CACNA1A: variants seen among roughly 807,000 people sequenced by gnomAD.
CACNA1A encodes the protein calcium voltage-gated channel subunit alpha1 A, also known as voltage-dependent P/Q-type calcium channel subunit alpha-1A.
In CACNA1A, 57 loss-of-function variants were observed where a neutral mutation model predicts 262.4. The observed-to-expected ratio is 0.22, with a 90% CI of 0.18 to 0.27. The LOEUF (loss-of-function observed/expected upper bound fraction) is 0.27. Ranked by LOEUF, CACNA1A falls within the 10% of genes least tolerant of loss-of-function variation. The pLI, the probability that CACNA1A is intolerant of heterozygous loss-of-function variation, is 1.00. For missense variants in CACNA1A, 2,526 were observed against 3,562.8 expected, an observed-to-expected ratio of 0.71 and a Z score of 7.41; for synonymous variants, 1,431 against 1,419.3, an observed-to-expected ratio of 1.01 and a Z score of -0.18.
In CACNA1A at chr19:13,308,555, C is replaced by T. The variant is rs1332259477; in HGVS notation, c.1669-27G>A. ...TAGGGCAGAGAACCTGGTCTCATGT[C>T]CAGGGACAGTGTCTGGGCTCCAGAA... is the stretch of plus-strand genomic sequence containing the variant. On this transcript the variant is annotated intron_variant, in intron 12 of 46. Coordinates refer to ENST00000360228, the MANE Select transcript of CACNA1A (RefSeq NM_001127222.2). The surrounding 1 kb of genome is among the most constrained non-coding windows in gnomAD (Gnocchi z 4.2). 4 of 1,455,198 alleles carry T rather than the reference C, an allele frequency of 2.7e-6. No individual in the cohort carries two copies. The South Asian group carries it at 3.6e-5, about 13-fold the overall frequency. The allele number at this position is 1,455,198 out of a possible 1,614,324, so 90.1% of individuals were successfully genotyped here.
intron 1 of CACNA1A, among the ~76,000 whole-genome samples, chr19:13,485,762 G>A (rs370608929): frequency 5.9e-5 from 9 of 152,284 alleles, no homozygotes; most frequent in East Asian, 1.9e-4. Context: ...ACCCACCACC[G>A]GCAGGAGTGT....
Position 13,487,676 on chromosome 19 carries a change from A to T in CACNA1A, c.293+18256T>A, listed in dbSNP as rs1015186364. On this transcript the variant is annotated intron_variant, in intron 1 of 46. Coordinates refer to ENST00000360228, the MANE Select transcript of CACNA1A (RefSeq NM_001127222.2). Reference sequence around the variant, plus strand: ...TTTTATCTCAATGTTTTAAAAATTAAAAAAAAAAAAATCCCACACCCAAAC... The same window carrying T: ...TTTTATCTCAATGTTTTAAAAATTATAAAAAAAAAAATCCCACACCCAAAC... 7.3e-4 allele frequency among the ~76,000 whole-genome samples: 11 copies of T among 15,058 alleles called. No individual in the cohort carries two copies. In the African/African-American group the frequency reaches 7.4e-3, roughly 10 times the overall value. The allele number at this position is 15,058 out of a possible 152,430, so 9.9% of individuals were successfully genotyped here.
At chr19:13,416,285 T>C (rs1393613918) in intron 3 of CACNA1A, among the ~76,000 whole-genome samples, 3 of 149,674 alleles carry the variant, frequency 2.0e-5, no homozygotes, top group East Asian at 4.0e-4. Flanking sequence ...TTATTTTTTA[T>C]AGAGATGGGG....
At chr19:13,476,881 C>G (rs1248397685) in intron 1 of CACNA1A, among the ~76,000 whole-genome samples, 7 of 152,128 alleles carry the variant, frequency 4.6e-5, no homozygotes, top group Non-Finnish European at 8.8e-5. Flanking sequence ...CTGCCTGCCC[C>G]CAACCTTCAA....
At chr19:13,300,077 C>G (rs2057757410) in intron 18 of CACNA1A, among the ~76,000 whole-genome samples, 1 of 152,130 alleles carries the variant, frequency 6.6e-6, no homozygotes, top group South Asian at 2.1e-4. Context: ...TGTGCAGCCC[C>G]GTTCCTAATA....
At chr19:13,322,300 G>C (rs1473758670) in intron 10 of CACNA1A, among the ~76,000 whole-genome samples, 1 of 152,048 alleles carries the variant, frequency 6.6e-6, no homozygotes, top group Non-Finnish European at 1.5e-5. Flanking sequence ...ATGAACTGAG[G>C]AACACCAAGT....
intron 3 of CACNA1A, among the ~76,000 whole-genome samples, chr19:13,426,337 C>T (rs2060402221): frequency 1.3e-5 from 2 of 152,078 alleles, no homozygotes; most frequent in Non-Finnish European, 2.9e-5. Flanking sequence ...GAACAATTCT[C>T]AAGTGGGGGC....
In CACNA1A at chr19:13,207,434, C is replaced by T. The variant is rs1199275549; in HGVS notation, c.7400G>A (p.Arg2467Gln). 2.0e-5 allele frequency: 30 copies of T among 1,519,784 alleles called. No homozygotes were observed. The highest frequency in any genetic ancestry group is 4.2e-5 in the African/African-American group (3 of 70,760). The allele number at this position is 1,519,784 out of a possible 1,614,324, so 94.1% of individuals were successfully genotyped here. The change falls in exon 47 of 47, where the codon CGG (arginine) becomes CAG (glutamine). Residue 2467 changes from arginine (R) to glutamine (Q), a missense_variant. By Grantham distance (43) the Arg-to-Gln change is conservative. This residue lies in a region of CACNA1A where 929 missense variants were observed against 868.1 expected (regional missense o/e 1.07). Coordinates refer to ENST00000360228, the MANE Select transcript of CACNA1A (RefSeq NM_001127222.2). This position sits in a 1 kb window ranked among gnomAD's most constrained non-coding sequence, Gnocchi z 5.7. ...ASGPACASPSRHGRRLPNGYY... is the reference protein window; with the variant it reads ...ASGPACASPSQHGRRLPNGYY... ...GCCGTTGGGGAGTCGCCGGCCGTGC[C>T]GAGAAGGCGAGGCGCAGGCCGGGCC...
chr19:13,299,440 C>T, intron 18 of CACNA1A, 87 bp from the exon 19 acceptor site: 4 of 1,051,328 alleles, frequency 3.8e-6, no homozygotes, highest in African/African-American at 1.5e-5. Flanking sequence ...CACATCTCAG[C>T]CTCCCACTCC....
intron 4 of CACNA1A, chr19:13,366,042 G>A (rs1013958827): frequency 6.6e-6 from 1 of 151,768 alleles, no homozygotes; most frequent in African/African-American, 2.4e-5. Context: ...AGGCTGGAGT[G>A]CAGTGGTGCC....
chr19:13,210,956 C>T (rs1057391363), intron 43 of CACNA1A: 3 of 479,484 alleles, frequency 6.3e-6, no homozygotes, highest in Non-Finnish European at 1.1e-5. Context: ...GACGGCGCAG[C>T]CTCGAGCCCC....
At chr19:13,504,556 A>C (rs1982784901) in intron 1 of CACNA1A, among the ~76,000 whole-genome samples, 1 of 151,378 alleles carries the variant, frequency 6.6e-6, no homozygotes, top group Non-Finnish European at 1.5e-5. Context: ...ACCCCCGGAG[A>C]CCACACAGGG....
At chr19:13,500,055 C>T (rs1982191866) in intron 1 of CACNA1A, among the ~76,000 whole-genome samples, 2 of 152,176 alleles carry the variant, frequency 1.3e-5, no homozygotes, top group South Asian at 4.1e-4. Context: ...GCCGCTGCAT[C>T]CAATCTACTC....
intron 6 of CACNA1A, among the ~76,000 whole-genome samples, chr19:13,339,311 G>T (rs2058634794): frequency 6.6e-6 from 1 of 152,140 alleles, no homozygotes; most frequent in African/African-American, 2.4e-5. Context: ...TTTATAGGAG[G>T]TCCCTAGAGT....
In CACNA1A at chr19:13,487,674, TAA is replaced by T. The variant is rs5827194; in HGVS notation, c.293+18256_293+18257del. Among the ~76,000 whole-genome samples, 355 of 147,944 alleles carry T rather than the reference TAA, an allele frequency of 2.4e-3. 2 individuals are homozygous for T. The highest frequency in any genetic ancestry group is 6.2e-3 in the South Asian group (29 of 4,672). Reference sequence around the variant, plus strand: ...AATTTTATCTCAATGTTTTAAAAATTAAAAAAAAAAAAATCCCACACCCAAAC... The same window carrying T: ...AATTTTATCTCAATGTTTTAAAAATTAAAAAAAAAAATCCCACACCCAAAC... On this transcript the variant is annotated intron_variant, in intron 1 of 46. Transcript: ENST00000360228.
chr19:13,439,406 CTTTTT>C (rs34228712), intron 3 of CACNA1A, among the ~76,000 whole-genome samples: 3 of 127,304 alleles, frequency 2.4e-5, no homozygotes, highest in Non-Finnish European at 5.1e-5. Flanking sequence ...CTTCTTTTTT[CTTTTT>C]TTTTTTTTGA....
rs201924372 is a variant in CACNA1A at position 13,300,938 on chromosome 19, C to CTG, written c.2173-283_2173-282insCA. 9.9e-5 allele frequency among the ~76,000 whole-genome samples: 14 copies of CTG among 141,522 alleles called. No homozygotes were observed. The South Asian group carries it at 2.1e-3, about 21-fold the overall frequency. The allele number at this position is 141,522 out of a possible 152,430, so 92.8% of individuals were successfully genotyped here. A position where few individuals can be genotyped will look rare whatever the true frequency, so the allele number is the denominator to read the frequency against. ...CCTACAATGAAGACTTTCCTGCAGC[C>CTG]TATTTTTTTTTCTTTTGTTTGTTTT... On this transcript the variant is annotated intron_variant, in intron 17 of 46. Transcript: ENST00000360228.
intron 3 of CACNA1A, among the ~76,000 whole-genome samples, chr19:13,446,649 GTT>G (rs2144906593): frequency 6.7e-6 from 1 of 148,348 alleles, no homozygotes; most frequent in Admixed American, 6.7e-5. Flanking sequence ...TACAGATGGG[GTT>G]TCACCACGTT....
chr19:13,221,248 TTTTGAGACAGAG>T (rs2055218868), intron 38 of CACNA1A, among the ~76,000 whole-genome samples: 1 of 63,308 alleles, frequency 1.6e-5, no homozygotes, highest in Non-Finnish European at 2.9e-5. Flanking sequence ...TTTTTTTTTT[TTTTGAGACAGAG>T]TCTTGCTGTG....
Sources: gnomAD v4.1 joint callset for allele counts (sites outside exome capture counted in the v4.1 genomes callset) on GRCh38, gnomAD v4.1.1 for gene constraint, gnomAD v4.1.1 regional missense constraint, Gnocchi (gnomAD v3.1) non-coding constraint, MANE v1.5 for transcripts, NCBI Gene and HGNC (gene_info 2026-07-23, HGNC 2026-07-21) for gene names.